DLGAP2: variants seen among roughly 807,000 people sequenced by gnomAD.
DLGAP2 encodes disks large-associated protein 2.
A neutral mutation model predicts 100.3 loss-of-function variants in DLGAP2; 26 were observed. The ratio of observed to expected loss-of-function variants is 0.26; its 90% confidence interval spans 0.19 to 0.36. The LOEUF is 0.36. Ranked by LOEUF, DLGAP2 falls within the 10% of genes least tolerant of loss-of-function variation. The pLI, the probability that DLGAP2 is intolerant of heterozygous loss-of-function variation, is 1.00. For synonymous variants in DLGAP2, 886 were observed against 630.1 expected (o/e 1.41, Z -6.08); for missense variants, 1,858 against 1,453.2 (o/e 1.28, Z -4.53).
chr8:1,203,911 C>G (rs566367809), intron 2 of DLGAP2, among the ~76,000 whole-genome samples: 2 of 120,130 alleles, frequency 1.7e-5, no homozygotes, highest in Admixed American at 8.1e-5. Flanking sequence ...CTCAGCCTGA[C>G]CACCTGTGAG....
chr8:1,489,507 C>G (rs1170323517), intron 3 of DLGAP2, among the ~76,000 whole-genome samples: 3 of 152,188 alleles, frequency 2.0e-5, no homozygotes, highest in Admixed American at 6.5e-5. Context: ...TCCAGGCCAT[C>G]TCATTCCAAA....
intron 2 of DLGAP2, among the ~76,000 whole-genome samples, chr8:1,198,959 GCT>G (rs1460067279): frequency 3.9e-5 from 6 of 152,242 alleles, no homozygotes; most frequent in African/African-American, 7.2e-5. Flanking sequence ...CTTGGCAAGG[GCT>G]ATACCAGTTG....
chr8:900,170 C>T (rs542653801), intron 1 of DLGAP2, among the ~76,000 whole-genome samples: 54 of 150,862 alleles, frequency 3.6e-4, no homozygotes, highest in Non-Finnish European at 5.2e-4. Flanking sequence ...GCGTCGCTCC[C>T]GGGCAGACAG....
chr8:1,259,244 C>G (rs1440763186), intron 3 of DLGAP2, among the ~76,000 whole-genome samples: 1 of 152,264 alleles, frequency 6.6e-6, no homozygotes, highest in South Asian at 2.1e-4. Context: ...CAGGCTGAGT[C>G]GGATCTGGGA....
At chr8:925,890 TTTAA>T (rs2129002303) in intron 2 of DLGAP2, among the ~76,000 whole-genome samples, 1 of 152,210 alleles carries the variant, frequency 6.6e-6, no homozygotes, top group South Asian at 2.1e-4. Context: ...TAAAATGTAT[TTTAA>T]TTAATTAATT....
chr8:813,719 C>G (rs1193274593), intron 1 of DLGAP2, among the ~76,000 whole-genome samples: 1 of 152,172 alleles, frequency 6.6e-6, no homozygotes, highest in Non-Finnish European at 1.5e-5. Flanking sequence ...GCACTTCCCT[C>G]TTTCCCCAGC....
intron 3 of DLGAP2, among the ~76,000 whole-genome samples, chr8:1,290,049 C>T (rs1800024390): frequency 6.6e-6 from 1 of 152,110 alleles, no homozygotes; most frequent in African/African-American, 2.4e-5. Flanking sequence ...TTCAGGGTCC[C>T]TGTTGTGTTA....
chr8:1,272,752 G>A lies in DLGAP2; in HGVS notation c.106+13869G>A, dbSNP rs150287848. Among the ~76,000 whole-genome samples, 146 of 152,214 alleles carry A rather than the reference G, an allele frequency of 9.6e-4. 1 individual carries two copies. Among genetic ancestry groups the A allele is most frequent in the African/African-American group, 3.4e-3 (140 of 41,526 alleles). ...TCAGGGTCTGTAGGACTCGGACCAC[G>A]GGTGACTCTTCCCATCATGCAACAG... On this transcript the variant is annotated intron_variant, in intron 3 of 14. Coordinates refer to ENST00000637795, the MANE Select transcript of DLGAP2 (RefSeq NM_001346810.2).
chr8:1,134,520 C>G (rs1344362870), intron 2 of DLGAP2, among the ~76,000 whole-genome samples: 1 of 63,876 alleles, frequency 1.6e-5, no homozygotes, highest in Non-Finnish European at 3.2e-5. Flanking sequence ...TTAGTAATAG[C>G]CAGGAATTTG....
At chr8:1,699,661 G>A (rs894277517) in intron 14 of DLGAP2, among the ~76,000 whole-genome samples, 3 of 152,108 alleles carry the variant, frequency 2.0e-5, no homozygotes, top group Non-Finnish European at 4.4e-5. Context: ...TGAGGGCAGA[G>A]CACGCCAGTC....
intron 3 of DLGAP2, among the ~76,000 whole-genome samples, chr8:1,419,269 G>C (rs1177589017): frequency 5.8e-5 from 8 of 136,784 alleles, no homozygotes; most frequent in Admixed American, 4.5e-4. Context: ...GTTATTTTTG[G>C]TTGACTCACA....
At chr8:985,213 C>T (rs189997156) in intron 2 of DLGAP2, among the ~76,000 whole-genome samples, 2 of 152,158 alleles carry the variant, frequency 1.3e-5, no homozygotes, top group African/African-American at 4.8e-5. Flanking sequence ...GGAAATGAGT[C>T]AAGATACAAG....
At chr8:964,934 C>T (rs189295806) in intron 2 of DLGAP2, among the ~76,000 whole-genome samples, 1 of 152,202 alleles carries the variant, frequency 6.6e-6, no homozygotes, top group Admixed American at 6.5e-5. Flanking sequence ...TCACACGGCA[C>T]TGTCGCCACC....
intron 5 of DLGAP2, among the ~76,000 whole-genome samples, chr8:1,559,968 T>C (rs1323262989): frequency 6.6e-6 from 1 of 152,172 alleles, no homozygotes; most frequent in East Asian, 1.9e-4. Context: ...TCAACACGTG[T>C]CCCCTCCACA....
chr8:1,497,297 C>G (rs377162406), intron 3 of DLGAP2, among the ~76,000 whole-genome samples: 17 of 152,224 alleles, frequency 1.1e-4, no homozygotes, highest in African/African-American at 3.9e-4. Context: ...CAGCCTCACA[C>G]ATGGGATGGG....
rs898985373 is a variant in DLGAP2, at chr8:892,678, G to A, written c.19-15234G>A. Reference sequence around the variant, plus strand: ...TTCCCTGTGCTGGAAGCACAGTTCCGTTTCTGCTGCAGAACAGAGAGGCGG... The same window carrying A: ...TTCCCTGTGCTGGAAGCACAGTTCCATTTCTGCTGCAGAACAGAGAGGCGG... On this transcript the variant is annotated intron_variant, in intron 1 of 14. Coordinates refer to ENST00000637795, the MANE Select transcript of DLGAP2 (RefSeq NM_001346810.2). 1.1e-4 allele frequency among the ~76,000 whole-genome samples: 17 copies of A among 152,316 alleles called. No homozygotes were observed. The East Asian group carries it at 2.3e-3, about 21-fold the overall frequency.
intron 6 of DLGAP2, among the ~76,000 whole-genome samples, chr8:1,592,468 C>T (rs907957712): frequency 6.6e-6 from 1 of 152,142 alleles, no homozygotes; most frequent in Non-Finnish European, 1.5e-5. Context: ...AAATATGGTC[C>T]TGTTGCACAT....
intron 2 of DLGAP2, among the ~76,000 whole-genome samples, chr8:1,058,432 C>A (rs1054250308): frequency 2.6e-5 from 4 of 152,204 alleles, no homozygotes; most frequent in Non-Finnish European, 4.4e-5. Flanking sequence ...TTGCATCGTC[C>A]AGTTCAATCA....
chr8:1,448,220 A>C (rs1305049129), intron 3 of DLGAP2, among the ~76,000 whole-genome samples: 2 of 151,998 alleles, frequency 1.3e-5, no homozygotes, highest in Non-Finnish European at 2.9e-5. Flanking sequence ...TTTTGTGGGC[A>C]TTTAGTGCGG....
Sources: gnomAD v4.1 joint callset for allele counts (sites outside exome capture counted in the v4.1 genomes callset) on GRCh38, gnomAD v4.1.1 for gene constraint, MANE v1.5 for transcripts, NCBI Gene and HGNC (gene_info 2026-07-23, HGNC 2026-07-21) for gene names.